TENM2: variants seen among roughly 807,000 people sequenced by gnomAD.
The protein encoded by TENM2 is teneurin-2.
In TENM2, 52 loss-of-function variants were observed where a neutral mutation model predicts 245.2. The ratio of observed to expected loss-of-function variants is 0.21; its 90% CI spans 0.17 to 0.27. The LOEUF is 0.27. Among genes scored for constraint, TENM2 ranks in the 10% least tolerant of loss-of-function variants. The pLI, the probability that TENM2 is intolerant of heterozygous loss-of-function variation, is 1.00. For missense variants in TENM2, 3,046 were observed against 3,666.8 expected, an observed-to-expected ratio of 0.83 and a Z score of 4.37; for synonymous variants, 1,363 against 1,438.9, an observed-to-expected ratio of 0.95 and a Z score of 1.19.
At chr5:167,550,113 T>A (rs1772831321) in intron 2 of TENM2, among the ~76,000 whole-genome samples, 1 of 152,218 alleles carries the variant, frequency 6.6e-6, no homozygotes, top group South Asian at 2.1e-4. Flanking sequence ...TTTTAAAAAA[T>A]TAAATCTCTC....
chr5:168,031,073 C>T (rs1467209520), intron 5 of TENM2, among the ~76,000 whole-genome samples: 12 of 152,202 alleles, frequency 7.9e-5, no homozygotes, highest in Admixed American at 5.2e-4. Context: ...CCACTGATTT[C>T]ACATGTGCAT....
intron 2 of TENM2, among the ~76,000 whole-genome samples, chr5:167,608,291 T>G (rs2127742595): frequency 6.6e-6 from 1 of 152,314 alleles, no homozygotes; most frequent in South Asian, 2.1e-4. Context: ...TGGCTCATCT[T>G]GGGGACTGTC....
chr5:168,052,211 C>A (rs1789151307), intron 6 of TENM2, among the ~76,000 whole-genome samples: 1 of 151,950 alleles, frequency 6.6e-6, no homozygotes, highest in Admixed American at 6.6e-5. Context: ...CATGGTGAGA[C>A]CCCGTCTCTA....
chr5:167,859,055 A>G (rs1358962169), intron 2 of TENM2, among the ~76,000 whole-genome samples: 3 of 143,822 alleles, frequency 2.1e-5, no homozygotes, highest in African/African-American at 5.2e-5. Context: ...CATCACATCT[A>G]GGAAGTGAGG....
At chr5:167,962,622 G>T (rs760136672) in intron 4 of TENM2, among the ~76,000 whole-genome samples, 2 of 152,216 alleles carry the variant, frequency 1.3e-5, no homozygotes, top group Non-Finnish European at 2.9e-5. Flanking sequence ...TTGACTGACA[G>T]TTCAGCATGA....
chr5:168,198,606 G>A (rs143292124), intron 15 of TENM2, among the ~76,000 whole-genome samples: 58 of 152,334 alleles, frequency 3.8e-4, no homozygotes, highest in African/African-American at 1.4e-3. Flanking sequence ...CATGCCATGT[G>A]TATTGGTGTA....
chr5:167,238,668 C>A, the TENM2 span, among the ~76,000 whole-genome samples: 2 of 140,428 alleles, frequency 1.4e-5, no homozygotes, highest in Admixed American at 7.3e-5. Flanking sequence ...ATAAGTTGGC[C>A]TTCTGTCCTT....
intron 2 of TENM2, among the ~76,000 whole-genome samples, chr5:167,692,934 G>A (rs1331436050): frequency 2.0e-5 from 3 of 152,144 alleles, no homozygotes; most frequent in Non-Finnish European, 2.9e-5. Context: ...CTGCCTGGTC[G>A]GCTTGATGGC....
chr5:167,117,700 A>G, the TENM2 span, among the ~76,000 whole-genome samples: 1 of 152,238 alleles, frequency 6.6e-6, no homozygotes, highest in African/African-American at 2.4e-5. Context: ...AGGTTTTCTC[A>G]ACACCAGCAT....
chr5:168,127,003 T>C, intron 12 of TENM2, 37 bp downstream of exon 14: 1 of 1,508,266 alleles, frequency 6.6e-7, no homozygotes, highest in Non-Finnish European at 9.0e-7. Context: ...TGTAGATCTA[T>C]AGTGATGGTC....
intron 7 of TENM2, among the ~76,000 whole-genome samples, chr5:168,081,989 T>A (rs1792045796): frequency 6.6e-6 from 1 of 152,184 alleles, no homozygotes; most frequent in African/African-American, 2.4e-5. Flanking sequence ...CCTTGCTAGG[T>A]TGGGAAAGTT....
chr5:168,221,739 T>G (rs1430914849), intron 23 of TENM2, among the ~76,000 whole-genome samples: 1 of 152,122 alleles, frequency 6.6e-6, no homozygotes, highest in Non-Finnish European at 1.5e-5. Flanking sequence ...AGAAGAAGTA[T>G]CCTGATTTAG....
intron 2 of TENM2, among the ~76,000 whole-genome samples, chr5:167,652,026 C>T (rs986236539): frequency 2.6e-5 from 4 of 151,922 alleles, no homozygotes; most frequent in African/African-American, 7.3e-5. Context: ...CATGGACTAA[C>T]GATCTTATTT....
intron 7 of TENM2, among the ~76,000 whole-genome samples, chr5:168,089,391 T>C (rs1409993970): frequency 6.6e-6 from 1 of 152,158 alleles, no homozygotes; most frequent in Non-Finnish European, 1.5e-5. Flanking sequence ...TTTCATCACA[T>C]CAGTCACTGC....
chr5:168,038,935 C>A (rs1297226811), intron 5 of TENM2, among the ~76,000 whole-genome samples: 1 of 152,122 alleles, frequency 6.6e-6, no homozygotes, highest in Non-Finnish European at 1.5e-5. Context: ...AGAGGGCTCA[C>A]TGGGAGCAGT....
chr5:167,659,539 G>A (rs1392948764), intron 2 of TENM2, among the ~76,000 whole-genome samples: 2 of 152,156 alleles, frequency 1.3e-5, no homozygotes, highest in Non-Finnish European at 2.9e-5. Flanking sequence ...CATAAGAAAT[G>A]TAGAACTGCA....
rs150704611 is a variant in TENM2 at position 167,408,670 on chromosome 5, A to G, written c.502+33197A>G. 9.0e-4 allele frequency among the ~76,000 whole-genome samples: 137 copies of G among 152,014 alleles called. 1 individual carries two copies. The East Asian group carries it at 0.023, about 26-fold the overall frequency. The stretch of plus-strand genomic sequence containing the variant: ...CTTGAAATTCAGTCTTTAGTTAATA[A>G]TAGCAAGCTTATTGAGTGTATTAGA... On this transcript the variant is annotated intron_variant, in intron 2 of 28. Transcript: ENST00000518659.
intron 2 of TENM2, among the ~76,000 whole-genome samples, chr5:167,498,160 A>G (rs535394543): frequency 1.9e-4 from 29 of 152,114 alleles, no homozygotes; most frequent in Admixed American, 3.3e-4. Flanking sequence ...ATGTTGAAAG[A>G]AGACCTCTGT....
At chr5:167,735,682 T>C (rs1401049376) in intron 2 of TENM2, among the ~76,000 whole-genome samples, 1 of 152,184 alleles carries the variant, frequency 6.6e-6, no homozygotes, top group East Asian at 1.9e-4. Context: ...GGTGCACACC[T>C]GTGGTCCTAG....
Sources: allele counts gnomAD v4.1 joint callset (sites outside exome capture counted in the v4.1 genomes callset), GRCh38; gene constraint gnomAD v4.1.1; transcripts MANE v1.5; gene names NCBI Gene and HGNC (gene_info 2026-07-23, HGNC 2026-07-21).